Variants in DYTN observed in about 807,000 individuals in gnomAD.
The protein encoded by DYTN is dystrotelin.
DYTN carries 75 observed loss-of-function variants against 69.6 expected under a neutral mutation model. The ratio of observed to expected loss-of-function variants is 1.08; its 90% CI spans 0.89 to 1.31. DYTN has a LOEUF of 1.31. Among genes scored for constraint, DYTN ranks in the 50% most tolerant of loss-of-function variants. The pLI, the probability that DYTN is intolerant of heterozygous loss-of-function variation, is 0.00. For synonymous variants in DYTN, 252 were observed against 249.1 expected (o/e 1.01, Z -0.11); for missense variants, 726 against 688.4 (o/e 1.05, Z -0.61).
chr2:206,652,074 C>T (rs1036717027), intron 11 of DYTN, among the ~76,000 whole-genome samples, 153 bp from the exon 12 acceptor site: 5 of 152,184 alleles, frequency 3.3e-5, no homozygotes, highest in African/African-American at 2.4e-5. Flanking sequence ...AATAAGATGG[C>T]TATTATTTAC....
chr2:206,694,316 T>C lies in DYTN; in HGVS notation c.831+450A>G, dbSNP rs371196934. Among the ~76,000 whole-genome samples, 40 of 152,324 alleles carry C rather than the reference T, an allele frequency of 2.6e-4. 1 individual carries two copies. The South Asian group carries it at 7.9e-3, about 30-fold the overall frequency. On this transcript the variant is annotated intron_variant, in intron 8 of 11. Coordinates refer to ENST00000452335, the MANE Select transcript of DYTN (RefSeq NM_001093730.1). ...ACATTGAGATAATAATCTTTCTTTT[T>C]TCCTAAAGAAGAAATATTTGAAATT...
Position 206,663,040 on chromosome 2 carries a change from A to G in DYTN, c.1496T>C (p.Met499Thr), listed in dbSNP as rs1699530228. 6 of 1,613,766 alleles carry G rather than the reference A, an allele frequency of 3.7e-6. No individual in the cohort carries two copies. The highest frequency in any genetic ancestry group is 5.1e-6 in the Non-Finnish European group (6 of 1,179,898). ...QDIPKMVPAEMSSPALAAVEK... is the reference protein window; with the variant it reads ...QDIPKMVPAETSSPALAAVEK... Reference sequence around the variant, plus strand: ...CACGGCTGCCAGAGCAGGACTGCTCATTTCAGCAGGAACCATTTTGGGGAT... The same window carrying G: ...CACGGCTGCCAGAGCAGGACTGCTCGTTTCAGCAGGAACCATTTTGGGGAT... The change falls in exon 11 of 12, where the codon ATG becomes ACG. Residue 499 changes from methionine (M) to threonine (T), a missense_variant. Met to Thr is a moderately conservative substitution (Grantham distance 81). Coordinates refer to ENST00000452335, the MANE Select transcript of DYTN (RefSeq NM_001093730.1).
intron 9 of DYTN, among the ~76,000 whole-genome samples, chr2:206,684,970 G>T (rs1009885516): frequency 2.0e-5 from 3 of 152,054 alleles, no homozygotes; most frequent in African/African-American, 7.2e-5. Context: ...AATCAGGTTT[G>T]TTTACCCTCA....
chr2:206,678,965 G>A (rs1699720627), intron 9 of DYTN: 1 of 152,094 alleles, frequency 6.6e-6, no homozygotes, highest in South Asian at 2.1e-4. Context: ...ACTGCAAAAT[G>A]GTCCAGATTA....
intron 11 of DYTN, among the ~76,000 whole-genome samples, chr2:206,659,795 A>T (rs1301702948): frequency 6.6e-6 from 1 of 152,202 alleles, no homozygotes; most frequent in Non-Finnish European, 1.5e-5. Flanking sequence ...CGATATAAAC[A>T]TAATTAGAAA....
chr2:206,687,552 T>A (rs889424961), intron 9 of DYTN, among the ~76,000 whole-genome samples: 9 of 152,218 alleles, frequency 5.9e-5, no homozygotes, highest in African/African-American at 2.2e-4. Context: ...TTACATGCTA[T>A]CATATATATC....
intron 9 of DYTN, 32 bp downstream of exon 9, chr2:206,693,143 T>C (rs1445403108): frequency 6.3e-7 from 1 of 1,580,774 alleles, no homozygotes; most frequent in Non-Finnish European, 8.6e-7. Context: ...GTGGCTGCTC[T>C]GTGGGATCAG....
intron 9 of DYTN, among the ~76,000 whole-genome samples, chr2:206,675,257 AT>A (rs1699673570): frequency 7.1e-6 from 1 of 140,200 alleles, no homozygotes; most frequent in African/African-American, 2.8e-5. Flanking sequence ...AAACATATAT[AT>A]GTGTATATAT....
rs747854989 is a variant in DYTN, at chr2:206,694,853, G to A, written c.744C>T (p.Asn248=). 9 of 1,606,380 alleles carry A rather than the reference G, an allele frequency of 5.6e-6. No homozygotes were observed. The highest frequency in any genetic ancestry group is 6.8e-6 in the Non-Finnish European group (8 of 1,176,912). The change falls in exon 8 of 12, where the codon AAC becomes AAT. Residue 248 remains asparagine, a synonymous_variant. Coordinates refer to ENST00000452335, the MANE Select transcript of DYTN (RefSeq NM_001093730.1). ...AGAAACACATCTGGCAGATGTCAAA[G>A]TTGAGACACTTCAGACAGCGGTATC... ...GLRYRCLKCL[N]FDICQMCFLS...
intron 9 of DYTN, among the ~76,000 whole-genome samples, chr2:206,685,127 G>A (rs1699791060): frequency 1.3e-5 from 2 of 150,662 alleles, no homozygotes; most frequent in South Asian, 2.1e-4. Context: ...GGCAATTAGT[G>A]TGCAAAGTAG....
intron 1 of DYTN, among the ~76,000 whole-genome samples, chr2:206,714,882 T>A (rs1700112503): frequency 6.6e-5 from 10 of 152,148 alleles, no homozygotes. Flanking sequence ...GATAGCAGCC[T>A]TAGAGCTTTC....
chr2:206,713,419 C>G (rs1700097801), intron 1 of DYTN, among the ~76,000 whole-genome samples: 1 of 152,094 alleles, frequency 6.6e-6, no homozygotes, highest in Non-Finnish European at 1.5e-5. Context: ...CTAACTGCTC[C>G]CATCGCTGTG....
chr2:206,662,548 T>G (rs969795727), intron 11 of DYTN, among the ~76,000 whole-genome samples: 1 of 151,966 alleles, frequency 6.6e-6, no homozygotes, highest in Non-Finnish European at 1.5e-5. Flanking sequence ...GTTACAATAT[T>G]ATCACCATTT....
intron 9 of DYTN, among the ~76,000 whole-genome samples, chr2:206,669,470 G>A (rs1258528294): frequency 1.3e-5 from 2 of 152,122 alleles, no homozygotes; most frequent in Non-Finnish European, 1.5e-5. Context: ...CAAAGATGGA[G>A]CTTCATGTTT....
chr2:206,707,613 A>C, intron 2 of DYTN, 110 bp from the exon 3 acceptor site: 1 of 1,099,586 alleles, frequency 9.1e-7, no homozygotes, highest in Non-Finnish European at 1.3e-6. Context: ...TATGGTCGCT[A>C]TTTTCTTTTA....
At chr2:206,676,838 T>C (rs1352755616) in intron 9 of DYTN, among the ~76,000 whole-genome samples, 1 of 152,144 alleles carries the variant, frequency 6.6e-6, no homozygotes, top group Non-Finnish European at 1.5e-5. Context: ...TAGGAGGTGA[T>C]GGGTATGTTT....
At chr2:206,704,745 T>C (rs1700008346) in intron 5 of DYTN, 98 bp downstream of exon 5, 3 of 1,045,942 alleles carry the variant, frequency 2.9e-6, no homozygotes, top group Non-Finnish European at 4.3e-6. Flanking sequence ...GAGTTATATA[T>C]AAAGATAGAC....
chr2:206,718,160 A>T, intron 1 of DYTN, 101 bp downstream of exon 1: 1 of 1,297,538 alleles, frequency 7.7e-7, no homozygotes, highest in Non-Finnish European at 1.0e-6. Context: ...GAAATTTGCC[A>T]AATGTTTACT....
chr2:206,695,306 T>A (rs1699908751), intron 7 of DYTN, among the ~76,000 whole-genome samples: 1 of 152,234 alleles, frequency 6.6e-6, no homozygotes, highest in African/African-American at 2.4e-5. Flanking sequence ...AAATTTTGGC[T>A]TGTCTTAAAC....
Sources: gnomAD v4.1 joint callset for allele counts (sites outside exome capture counted in the v4.1 genomes callset) on GRCh38, gnomAD v4.1.1 for gene constraint, MANE v1.5 for transcripts, NCBI Gene and HGNC (gene_info 2026-07-23, HGNC 2026-07-21) for gene names.